PHACTR1: variants seen among roughly 807,000 people sequenced by gnomAD.
The protein encoded by PHACTR1 is phosphatase and actin regulator 1, also known as RPEL repeat containing 1.
In PHACTR1, 16 loss-of-function variants were observed where a neutral mutation model predicts 69.2. The observed-to-expected ratio is 0.23, with a 90% CI of 0.16 to 0.35. PHACTR1 has a LOEUF of 0.35. Ranked by LOEUF, PHACTR1 falls within the 10% of genes least tolerant of loss-of-function variation. The probability of loss-of-function intolerance (pLI) is 1.00; values close to 1 mark genes in which losing one functional copy is unlikely to be tolerated. For missense variants in PHACTR1, 510 were observed against 734.7 expected (o/e 0.69, Z 3.54); for synonymous variants, 312 against 284.5 (o/e 1.10, Z -0.97).
Position 13,233,076 on chromosome 6 carries a change from G to A in PHACTR1, c.1391+2883G>A, listed in dbSNP as rs143008689. On this transcript the variant is annotated intron_variant, in intron 10 of 14. Coordinates refer to ENST00000332995, the MANE Select transcript of PHACTR1 (RefSeq NM_030948.6). Reference sequence around the variant, plus strand: ...GAGGCTGGCCACCTGCTTGTTCACTGTGGGGTCCTTGCACCTGGTTTAGAC... The same window carrying A: ...GAGGCTGGCCACCTGCTTGTTCACTATGGGGTCCTTGCACCTGGTTTAGAC... 5.4e-3 allele frequency among the ~76,000 whole-genome samples: 825 copies of A among 152,300 alleles called. 9 individuals carry two copies. The highest frequency in any genetic ancestry group is 0.018 in the African/African-American group (736 of 41,564).
intron 4 of PHACTR1, among the ~76,000 whole-genome samples, chr6:13,007,716 C>T (rs1798972451): frequency 6.9e-6 from 1 of 143,926 alleles, no homozygotes; most frequent in Non-Finnish European, 1.5e-5. Flanking sequence ...CTCTTCTCAT[C>T]AGTGGTAATG....
At chr6:12,991,760 T>C (rs1473667068) in intron 4 of PHACTR1, among the ~76,000 whole-genome samples, 2 of 152,146 alleles carry the variant, frequency 1.3e-5, no homozygotes, top group Non-Finnish European at 2.9e-5. Flanking sequence ...ACTATAATGG[T>C]TTTGTGTTTG....
intron 11 of PHACTR1, chr6:13,273,921 CCCCGT>C (rs369703511): frequency 2.8e-5 from 4 of 141,852 alleles, no homozygotes; most frequent in East Asian, 2.2e-4. Context: ...CCCCGCCCCG[CCCCGT>C]GCCCAGTAAA....
chr6:13,126,254 A>G (rs926783772), intron 5 of PHACTR1, among the ~76,000 whole-genome samples: 2 of 152,210 alleles, frequency 1.3e-5, no homozygotes, highest in African/African-American at 2.4e-5. Flanking sequence ...AACAATAAAC[A>G]TCAGTGTATC....
intron 4 of PHACTR1, among the ~76,000 whole-genome samples, chr6:12,758,300 G>C (rs912255454): frequency 6.6e-6 from 1 of 151,378 alleles, no homozygotes; most frequent in Non-Finnish European, 1.5e-5. Context: ...AAAGTTAGCC[G>C]GTGTGGGGGC....
rs1343578316 is a variant in PHACTR1 at position 13,275,788 on chromosome 6, T to C, written c.1448-2480T>C. 1 of 152,206 alleles carries C rather than the reference T, an allele frequency of 6.6e-6. No homozygotes were observed. The highest frequency in any genetic ancestry group is 2.4e-5 in the African/African-American group (1 of 41,448). The allele number at this position is 152,206 out of a possible 1,614,324, so 9.4% of individuals were successfully genotyped here. A position where few individuals can be genotyped will look rare whatever the true frequency, so the allele number is the denominator to read the frequency against. On this transcript the variant is annotated intron_variant, in intron 11 of 14. Coordinates refer to ENST00000332995, the MANE Select transcript of PHACTR1 (RefSeq NM_030948.6). The surrounding 1 kb of genome is among the most constrained non-coding windows in gnomAD (Gnocchi z 4.0). Reference sequence around the variant, plus strand: ...CTGTAAATTTTCACCGTGTGCCCTCTAGCTGTCCCTGGTGACCCAACATCC... The same window carrying C: ...CTGTAAATTTTCACCGTGTGCCCTCCAGCTGTCCCTGGTGACCCAACATCC...
intron 4 of PHACTR1, among the ~76,000 whole-genome samples, chr6:12,962,548 C>A (rs1792888171): frequency 6.6e-6 from 1 of 152,118 alleles, no homozygotes; most frequent in Non-Finnish European, 1.5e-5. Flanking sequence ...GGAAAGGCAG[C>A]CTGGTAGACC....
chr6:13,012,639 T>C (rs1799570489), intron 4 of PHACTR1, among the ~76,000 whole-genome samples: 1 of 152,238 alleles, frequency 6.6e-6, no homozygotes, highest in Non-Finnish European at 1.5e-5. Flanking sequence ...GACCCTGCAC[T>C]GACCTACTAA....
intron 12 of PHACTR1, chr6:13,281,429 C>G (rs1191201962): frequency 3.3e-6 from 1 of 305,244 alleles, no homozygotes; most frequent in Admixed American, 4.3e-5. Context: ...TGGCGCATAC[C>G]TGTAATCCCA....
rs529881042 is a variant in PHACTR1 at position 13,134,281 on chromosome 6, G to A, written c.416-25923G>A. 3.6e-3 allele frequency among the ~76,000 whole-genome samples: 552 copies of A among 152,338 alleles called. 2 individuals carry two copies. Among genetic ancestry groups the A allele is most frequent in the African/African-American group, 0.012 (505 of 41,572 alleles). On this transcript the variant is annotated intron_variant, in intron 5 of 14. Transcript: ENST00000332995. Reference sequence around the variant, plus strand: ...GGCGCCTCTGCCCGGCCGCCACCCCGTCTGGGAAGTGTACCCAGCAGCTCA... The same window carrying A: ...GGCGCCTCTGCCCGGCCGCCACCCCATCTGGGAAGTGTACCCAGCAGCTCA...
At chr6:13,202,353 C>G (rs2113853938) in intron 7 of PHACTR1, among the ~76,000 whole-genome samples, 1 of 152,310 alleles carries the variant, frequency 6.6e-6, no homozygotes, top group South Asian at 2.1e-4. Context: ...TTTCTCCTGA[C>G]CAAGCAAATG....
intron 4 of PHACTR1, among the ~76,000 whole-genome samples, chr6:12,856,392 T>A (rs1046985795): frequency 6.6e-5 from 10 of 152,016 alleles, no homozygotes; most frequent in African/African-American, 2.4e-4. Context: ...TAGCTGGGAC[T>A]ACAGGCACCC....
intron 4 of PHACTR1, among the ~76,000 whole-genome samples, chr6:12,952,305 T>G (rs1791393523): frequency 1.3e-5 from 2 of 152,206 alleles, no homozygotes; most frequent in South Asian, 2.1e-4. Context: ...TTTGGATAAA[T>G]GTTTAATGAC....
At chr6:12,887,223 T>A (rs1201177669) in intron 4 of PHACTR1, among the ~76,000 whole-genome samples, 1 of 152,104 alleles carries the variant, frequency 6.6e-6, no homozygotes, top group Non-Finnish European at 1.5e-5. Context: ...CAATTGTTCT[T>A]CTCCTCGGGG....
rs537651122 is a variant in PHACTR1 at position 13,263,917 on chromosome 6, C to G, written c.1392-8943C>G. ...TACTTAAGAGATGCACCAGGTACAT[C>G]GATCATAAAATGAGCCAAGCAGATG... On this transcript the variant is annotated intron_variant, in intron 10 of 14. Transcript: ENST00000332995. 2.6e-5 allele frequency among the ~76,000 whole-genome samples: 4 copies of G among 152,150 alleles called. 1 individual carries two copies. In the South Asian group the frequency reaches 8.3e-4, roughly 32 times the overall value.
intron 4 of PHACTR1, among the ~76,000 whole-genome samples, chr6:12,968,855 T>C (rs1793812813): frequency 1.3e-5 from 2 of 152,144 alleles, no homozygotes. Flanking sequence ...GATGATCTGA[T>C]AGTAAAAATG....
intron 4 of PHACTR1, among the ~76,000 whole-genome samples, chr6:12,871,852 A>G (rs1782058269): frequency 6.6e-6 from 1 of 151,910 alleles, no homozygotes; most frequent in East Asian, 1.9e-4. Context: ...TTTCCTCTGC[A>G]TTGATTAGCT....
chr6:12,810,748 T>C lies in PHACTR1; in HGVS notation c.250+60958T>C, dbSNP rs57323252. Among the ~76,000 whole-genome samples the C allele has an allele frequency of 9.5e-3, 1,445 of 152,340 alleles. 27 individuals carry two copies. The highest frequency in any genetic ancestry group is 0.033 in the African/African-American group (1,370 of 41,576). ...CTCATGCATCTTCTTCCTCCTCTCC[T>C]ACCAACTACCTCCATGTGTCTATCT... On this transcript the variant is annotated intron_variant, in intron 4 of 14. Coordinates refer to ENST00000332995, the MANE Select transcript of PHACTR1 (RefSeq NM_030948.6).
At chr6:13,177,381 C>CTCTA (rs1554146807) in intron 6 of PHACTR1, among the ~76,000 whole-genome samples, 56 of 147,898 alleles carry the variant, frequency 3.8e-4, no homozygotes, top group African/African-American at 9.4e-4. Flanking sequence ...CTCTCTCTCT[C>CTCTA]TATATATATA....
Sources: allele counts gnomAD v4.1 joint callset (sites outside exome capture counted in the v4.1 genomes callset), GRCh38; gene constraint gnomAD v4.1.1; non-coding constraint Gnocchi (gnomAD v3.1); transcripts MANE v1.5; gene names NCBI Gene and HGNC (gene_info 2026-07-23, HGNC 2026-07-21).